Variants in PDZRN4 observed in about 807,000 individuals in gnomAD.
PDZRN4 encodes PDZ domain containing ring finger 4.
In PDZRN4, 70 loss-of-function variants were observed where a neutral mutation model predicts 99.0. The ratio of observed to expected loss-of-function variants is 0.71; its 90% CI spans 0.58 to 0.86. The LOEUF is 0.86. Among genes scored for constraint, PDZRN4 ranks in the 40% least tolerant of loss-of-function variants. The probability of loss-of-function intolerance (pLI) is 0.00; values close to 1 mark genes in which losing one functional copy is unlikely to be tolerated. For missense variants in PDZRN4, 1,474 were observed against 1,331.2 expected, an observed-to-expected ratio of 1.11 and a Z score of -1.67; for synonymous variants, 551 against 501.6, an observed-to-expected ratio of 1.10 and a Z score of -1.32.
intron 5 of PDZRN4, among the ~76,000 whole-genome samples, chr12:41,525,018 G>A (rs1411170102): frequency 6.6e-6 from 1 of 152,172 alleles, no homozygotes; most frequent in African/African-American, 2.4e-5. Context: ...TGAGCTATTA[G>A]ATAGCTATTT....
intron 3 of PDZRN4, among the ~76,000 whole-genome samples, chr12:41,224,495 A>G (rs1950980229): frequency 6.6e-6 from 1 of 152,174 alleles, no homozygotes; most frequent in African/African-American, 2.4e-5. Flanking sequence ...TGATAAACTT[A>G]CAGGTTCAAA....
rs10880085 is a variant in PDZRN4 at position 41,509,618 on chromosome 12, G to A, written c.1101-193G>A. 6.3e-3 allele frequency: 2,494 copies of A among 392,870 alleles called. 117 individuals are homozygous for A. In the East Asian group the frequency reaches 0.1, roughly 16 times the overall value. 24.3% of individuals were successfully genotyped at this position (392,870 alleles called of 1,614,324 possible). A position where few individuals can be genotyped will look rare whatever the true frequency, so the allele number is the denominator to read the frequency against. On this transcript the variant is annotated intron_variant, in intron 4 of 9. Transcript: ENST00000402685. ...TATTCCTAGCATTCTCTCAGAAATT[G>A]CAAATTGATGGACTTCACGTAGAGG...
intron 3 of PDZRN4, among the ~76,000 whole-genome samples, chr12:41,355,724 G>A (rs1295845887): frequency 6.6e-6 from 1 of 152,014 alleles, no homozygotes; most frequent in Non-Finnish European, 1.5e-5. Context: ...ATAGAAGAAG[G>A]TGATCAAAAA....
chr12:41,211,312 C>G (rs1317309546), intron 3 of PDZRN4, among the ~76,000 whole-genome samples: 2 of 151,950 alleles, frequency 1.3e-5, no homozygotes, highest in Admixed American at 6.6e-5. Context: ...TGGGATTGTT[C>G]TTAGAAGATA....
At position 41,475,164 on chromosome 12, in the gene PDZRN4, A is replaced by G. The variant is rs192411996; in HGVS notation, c.844-31292A>G. On this transcript the variant is annotated intron_variant, in intron 3 of 9. Transcript: ENST00000402685. The stretch of plus-strand genomic sequence containing the variant: ...ATCCTCATTGCCTAACACAGCACCC[A>G]GTAACATAATAGATGCTCAATAAAT... 2.0e-5 allele frequency among the ~76,000 whole-genome samples: 3 copies of G among 152,338 alleles called. No individual in the cohort carries two copies. The East Asian group carries it at 5.8e-4, about 29-fold the overall frequency.
At chr12:41,239,794 A>T (rs7137842) in intron 3 of PDZRN4, among the ~76,000 whole-genome samples, 102,095 of 152,114 alleles carry the variant, frequency 0.67, 34,394 homozygotes, top group South Asian at 0.73. Flanking sequence ...CTACAGGAGT[A>T]AACAGAGTTG....
chr12:41,538,693 T>G (rs561886794), intron 5 of PDZRN4, among the ~76,000 whole-genome samples: 1 of 152,212 alleles, frequency 6.6e-6, no homozygotes, highest in Admixed American at 6.6e-5. Flanking sequence ...ATAAATACAT[T>G]AAATAAATTA....
At chr12:41,254,335 A>G (rs1951190268) in intron 3 of PDZRN4, among the ~76,000 whole-genome samples, 1 of 152,138 alleles carries the variant, frequency 6.6e-6, no homozygotes, top group Non-Finnish European at 1.5e-5. Context: ...TAGGCTTTAA[A>G]AAACAAAGCT....
At chr12:41,394,258 A>G (rs917810273) in intron 3 of PDZRN4, among the ~76,000 whole-genome samples, 3 of 152,216 alleles carry the variant, frequency 2.0e-5, no homozygotes, top group Non-Finnish European at 2.9e-5. Context: ...CTGACTTCCC[A>G]TCCAATCTCA....
At chr12:41,488,122 C>G (rs1937811144) in intron 3 of PDZRN4, among the ~76,000 whole-genome samples, 1 of 152,108 alleles carries the variant, frequency 6.6e-6, no homozygotes, top group Non-Finnish European at 1.5e-5. Context: ...GGCAATGTAT[C>G]ACTGCCTTTT....
intron 5 of PDZRN4, among the ~76,000 whole-genome samples, chr12:41,514,781 C>T (rs1221477258): frequency 6.6e-6 from 1 of 152,076 alleles, no homozygotes; most frequent in Non-Finnish European, 1.5e-5. Context: ...TGCCCTCTTG[C>T]TTTCCAGCAG....
At chr12:41,445,226 C>T (rs879007185) in intron 3 of PDZRN4, among the ~76,000 whole-genome samples, 8 of 151,940 alleles carry the variant, frequency 5.3e-5, no homozygotes, top group Admixed American at 2.6e-4. Flanking sequence ...TTTGACTCTT[C>T]GACTCACCTG....
At position 41,197,919 on chromosome 12, in the gene PDZRN4, G is replaced by GTTTTTTTTTTTTTT. The variant is rs764851464; in HGVS notation, c.843+3731_843+3732insTTTTTTTTTTTTTT. Among the ~76,000 whole-genome samples the GTTTTTTTTTTTTTT allele has an allele frequency of 4.4e-5, 5 of 113,460 alleles. 1 individual carries two copies. Among genetic ancestry groups the GTTTTTTTTTTTTTT allele is most frequent in the Admixed American group, 2.0e-4 (2 of 10,182 alleles). The allele number at this position is 113,460 out of a possible 152,430, so 74.4% of individuals were successfully genotyped here. The stretch of plus-strand genomic sequence containing the variant: ...CTTCTTCTTTTCCTTGTTTTTTCTG[G>GTTTTTTTTTTTTTT]GTTTTTTTTTTTGGAGACAGGATCT... On this transcript the variant is annotated intron_variant, in intron 3 of 9. Coordinates refer to ENST00000402685, the MANE Select transcript of PDZRN4 (RefSeq NM_001164595.2).
intron 3 of PDZRN4, among the ~76,000 whole-genome samples, chr12:41,305,680 C>G (rs1273083727): frequency 6.6e-6 from 1 of 152,098 alleles, no homozygotes; most frequent in Non-Finnish European, 1.5e-5. Flanking sequence ...CTCCAAATAC[C>G]ATCACATTGA....
At position 41,521,808 on chromosome 12, in the gene PDZRN4, T is replaced by C. The variant is rs1938496764; in HGVS notation, c.1203+11895T>C. On this transcript the variant is annotated intron_variant, in intron 5 of 9. Coordinates refer to ENST00000402685, the MANE Select transcript of PDZRN4 (RefSeq NM_001164595.2). ...TGGCATGTAATTGAGTATGTGTTCT[T>C]TCCTAGACTGTGTAATTGTCAAGAG... Among the ~76,000 whole-genome samples the C allele has an allele frequency of 5.9e-5, 9 of 152,114 alleles. No individual in the cohort carries two copies. The South Asian group carries it at 1.7e-3, about 28-fold the overall frequency.
At chr12:41,314,495 T>C (rs1196511709) in intron 3 of PDZRN4, among the ~76,000 whole-genome samples, 1 of 152,204 alleles carries the variant, frequency 6.6e-6, no homozygotes, top group African/African-American at 2.4e-5. Flanking sequence ...GGTAGCATAG[T>C]CCACAAAGTG....
At chr12:41,408,142 T>C (rs1592048012) in intron 3 of PDZRN4, among the ~76,000 whole-genome samples, 2 of 152,256 alleles carry the variant, frequency 1.3e-5, no homozygotes, top group Admixed American at 1.3e-4. Flanking sequence ...GAAATGGATA[T>C]TACAAATAAG....
At chr12:41,551,739 G>C (rs1343063428) in intron 5 of PDZRN4, among the ~76,000 whole-genome samples, 1 of 152,080 alleles carries the variant, frequency 6.6e-6, no homozygotes, top group African/African-American at 2.4e-5. Flanking sequence ...TTACTAATGG[G>C]TCTTATATTC....
Position 41,347,377 on chromosome 12 carries a change from G to A in PDZRN4, c.843+153189G>A, listed in dbSNP as rs547688916. ...TGGTATCTCATTGTGGATTTGATTTGCATTTTGCTAATGACTAATGACACT... is the reference window on the plus strand; with the variant it reads ...TGGTATCTCATTGTGGATTTGATTTACATTTTGCTAATGACTAATGACACT... On this transcript the variant is annotated intron_variant, in intron 3 of 9. Coordinates refer to ENST00000402685, the MANE Select transcript of PDZRN4 (RefSeq NM_001164595.2). 4.1e-4 allele frequency among the ~76,000 whole-genome samples: 63 copies of A among 152,062 alleles called. 1 individual carries two copies. The East Asian group carries it at 0.012, about 29-fold the overall frequency.
Sources: allele counts gnomAD v4.1 joint callset (sites outside exome capture counted in the v4.1 genomes callset), GRCh38; gene constraint gnomAD v4.1.1; transcripts MANE v1.5; gene names NCBI Gene and HGNC (gene_info 2026-07-23, HGNC 2026-07-21).